Variants in LYRM4 observed in about 807,000 individuals in gnomAD.
LYRM4 encodes the protein LYR motif-containing protein 4.
In LYRM4, 9 loss-of-function variants were observed where a neutral mutation model predicts 11.7. The observed-to-expected ratio is 0.77, with a 90% CI of 0.46 to 1.34. LYRM4 has a LOEUF of 1.34. LYRM4 is among the 40% of genes most tolerant of loss of function. The pLI is 0.00. For synonymous variants in LYRM4, 42 were observed against 40.4 expected (o/e 1.04, Z -0.15); for missense variants, 133 against 112.5 (o/e 1.18, Z -0.82).
At chr6:5,209,727 C>G (rs1392651130) in intron 2 of LYRM4, among the ~76,000 whole-genome samples, 2 of 152,096 alleles carry the variant, frequency 1.3e-5, no homozygotes, top group African/African-American at 4.8e-5. Flanking sequence ...GAAAAGAAAC[C>G]TTGGGCAATG....
intron 1 of LYRM4, among the ~76,000 whole-genome samples, chr6:5,237,672 T>C (rs150172565): frequency 5.5e-4 from 84 of 152,238 alleles, no homozygotes; most frequent in Middle Eastern, 3.4e-3. Flanking sequence ...TTATGAAGGA[T>C]TGCCTAAAAG....
At chr6:5,171,885 T>TG (rs1561847014) in intron 2 of LYRM4, among the ~76,000 whole-genome samples, 2 of 152,154 alleles carry the variant, frequency 1.3e-5, no homozygotes, top group African/African-American at 4.8e-5. Flanking sequence ...GAATTATGAA[T>TG]GGGGGAAAAC....
chr6:5,218,514 A>T (rs2127726179), intron 1 of LYRM4: 1 of 320,272 alleles, frequency 3.1e-6, no homozygotes, highest in African/African-American at 2.2e-5. Flanking sequence ...CAAGAGTAAA[A>T]CTAAATCTTA....
chr6:5,149,773 G>A (rs1757985609), intron 2 of LYRM4, among the ~76,000 whole-genome samples: 1 of 152,102 alleles, frequency 6.6e-6, no homozygotes, highest in Admixed American at 6.6e-5. Context: ...GTAAACATCA[G>A]ATACACAATT....
chr6:5,108,542 C>T lies in LYRM4; in HGVS notation c.*881G>A. On this transcript the variant is annotated 3_prime_UTR_variant, in exon 3 of 3. Coordinates refer to ENST00000330636, the MANE Select transcript of LYRM4 (RefSeq NM_020408.6). ...TAGAGAAAAATGACTGTGCCTCACC[C>T]CTCACTTACTGAGTCAGAATCTGCA... 1 of 468,494 alleles carries T rather than the reference C, an allele frequency of 2.1e-6. No homozygotes were observed. The highest frequency in any genetic ancestry group is 2.8e-6 in the Non-Finnish European group (1 of 357,374). The allele number at this position is 468,494 out of a possible 1,614,324, so 29.0% of individuals were successfully genotyped here.
At chr6:5,232,351 G>A (rs557640412) in intron 1 of LYRM4, among the ~76,000 whole-genome samples, 20 of 152,296 alleles carry the variant, frequency 1.3e-4, no homozygotes, top group African/African-American at 4.8e-4. Flanking sequence ...AAATTCTCTA[G>A]AAATAAAGAT....
the LYRM4 span, among the ~76,000 whole-genome samples, chr6:5,041,476 C>T: frequency 6.6e-6 from 1 of 152,226 alleles, no homozygotes; most frequent in Non-Finnish European, 1.5e-5. Context: ...TGTATTTGCT[C>T]CACCAGCTTA....
chr6:5,094,609 T>G, the LYRM4 span, among the ~76,000 whole-genome samples: 1 of 152,262 alleles, frequency 6.6e-6, no homozygotes, highest in African/African-American at 2.4e-5. Context: ...CACTGAGAAC[T>G]ACTGCAGTCC....
the LYRM4 span, among the ~76,000 whole-genome samples, chr6:5,076,157 G>A: frequency 2.6e-5 from 4 of 152,028 alleles, no homozygotes; most frequent in Non-Finnish European, 5.9e-5. Flanking sequence ...TGTTGCCCAG[G>A]CTGGTCTCAA....
intron 1 of LYRM4, among the ~76,000 whole-genome samples, chr6:5,244,098 G>A (rs1764033645): frequency 6.6e-6 from 1 of 152,256 alleles, no homozygotes; most frequent in South Asian, 2.1e-4. Flanking sequence ...ATGATGGCAT[G>A]AGAGCAACAG....
intron 2 of LYRM4, among the ~76,000 whole-genome samples, chr6:5,119,572 T>C (rs1763312794): frequency 6.6e-6 from 1 of 151,932 alleles, no homozygotes; most frequent in Non-Finnish European, 1.5e-5. Context: ...GGATCACTTG[T>C]GGCCAGGAGT....
chr6:5,180,588 T>G (rs369797282), intron 2 of LYRM4, among the ~76,000 whole-genome samples: 7 of 152,168 alleles, frequency 4.6e-5, no homozygotes, highest in South Asian at 2.1e-4. Flanking sequence ...CTTTTCTCAA[T>G]CTGTCACCCC....
At position 5,174,951 on chromosome 6, in the gene LYRM4, C is replaced by T. The variant is rs528298780; in HGVS notation, c.207+41667G>A. ...CAATTCAGCTTAGACACATCACACACGTAATTAATGCACAAAATGCTGCCA... is the reference window on the plus strand; with the variant it reads ...CAATTCAGCTTAGACACATCACACATGTAATTAATGCACAAAATGCTGCCA... On this transcript the variant is annotated intron_variant, in intron 2 of 2. Transcript: ENST00000330636. Among the ~76,000 whole-genome samples, 6 of 152,282 alleles carry T rather than the reference C, an allele frequency of 3.9e-5. No individual in the cohort carries two copies. The South Asian group carries it at 6.2e-4, about 16-fold the overall frequency.
chr6:5,148,290 C>T (rs886747228), intron 2 of LYRM4: 4 of 154,738 alleles, frequency 2.6e-5, no homozygotes, highest in Non-Finnish European at 4.4e-5. Context: ...CAGTGGGTAC[C>T]GAGTCTCCAT....
intron 2 of LYRM4, among the ~76,000 whole-genome samples, chr6:5,198,476 T>G (rs1339535147): frequency 6.6e-6 from 1 of 152,166 alleles, no homozygotes; most frequent in Non-Finnish European, 1.5e-5. Flanking sequence ...GTGAAAGGAC[T>G]CTATGAGGTA....
chr6:5,241,493 C>T (rs1419445432), intron 1 of LYRM4, among the ~76,000 whole-genome samples: 3 of 152,192 alleles, frequency 2.0e-5, no homozygotes, highest in Non-Finnish European at 4.4e-5. Context: ...ACCAATTCTT[C>T]CAATGCTTTT....
At chr6:5,057,548 T>C in the LYRM4 span, among the ~76,000 whole-genome samples, 1 of 151,078 alleles carries the variant, frequency 6.6e-6, no homozygotes, top group African/African-American at 2.4e-5. Flanking sequence ...GAAACCCCCA[T>C]CTCTACTAAA....
At chr6:5,149,500 C>G (rs1206747631) in intron 2 of LYRM4, among the ~76,000 whole-genome samples, 2 of 151,696 alleles carry the variant, frequency 1.3e-5, no homozygotes, top group South Asian at 4.2e-4. Context: ...TACATGTCTG[C>G]TTTCAAAGTC....
At chr6:5,116,888 T>G (rs1317507542) in intron 2 of LYRM4, among the ~76,000 whole-genome samples, 1 of 152,164 alleles carries the variant, frequency 6.6e-6, no homozygotes. Context: ...GTTTCAGGTC[T>G]TCACCGCTTC....
Sources: gnomAD v4.1 joint callset for allele counts (sites outside exome capture counted in the v4.1 genomes callset) on GRCh38, gnomAD v4.1.1 for gene constraint, MANE v1.5 for transcripts, NCBI Gene and HGNC (gene_info 2026-07-23, HGNC 2026-07-21) for gene names.